Variants in PDE4DIP observed in about 807,000 individuals in gnomAD.
The protein encoded by PDE4DIP is phosphodiesterase 4D interacting protein, also known as myomegalin.
A neutral mutation model predicts 221.4 loss-of-function variants in PDE4DIP; 59 were observed. The observed-to-expected ratio is 0.27, with a 90% CI of 0.22 to 0.33. The LOEUF is 0.33. PDE4DIP is among the 10% of genes least tolerant of loss of function. The pLI is 1.00. For missense variants in PDE4DIP, 1,036 were observed against 2,154.2 expected (o/e 0.48, Z 10.28); for synonymous variants, 404 against 815.9 (o/e 0.50, Z 8.60).
intron 5 of PDE4DIP, among the ~76,000 whole-genome samples, chr1:148,946,082 A>C (rs587754780): frequency 6.6e-6 from 1 of 152,184 alleles, no homozygotes; most frequent in Non-Finnish European, 1.5e-5. Flanking sequence ...GACTTCAAAA[A>C]CTTTTCTCTC....
chr1:149,013,500 T>G (rs1553607656), intron 32 of PDE4DIP, among the ~76,000 whole-genome samples: 1 of 71,630 alleles, frequency 1.4e-5, no homozygotes, highest in African/African-American at 5.7e-5. Flanking sequence ...ATAAATTTAG[T>G]GTGCTGGTGG....
At chr1:148,956,411 CTTAT>C (rs2055351784) in intron 5 of PDE4DIP, among the ~76,000 whole-genome samples, 1 of 151,590 alleles carries the variant, frequency 6.6e-6, no homozygotes, top group African/African-American at 2.4e-5. Context: ...TTGTTCCTTT[CTTAT>C]TTATTAAAGA....
In PDE4DIP at chr1:149,003,505, TGTGGATCTGCCTTCC is replaced by T. The variant is rs2066185042; in HGVS notation, c.3767-102_3767-88del. 1.1e-5 allele frequency: 7 copies of T among 611,026 alleles called. No individual in the cohort carries two copies. In the South Asian group the frequency reaches 1.5e-4, roughly 13 times the overall value. 37.9% of individuals were successfully genotyped at this position (611,026 alleles called of 1,614,324 possible). A position where few individuals can be genotyped will look rare whatever the true frequency, so the allele number is the denominator to read the frequency against. On this transcript the variant is annotated intron_variant, in intron 25 of 43. Transcript: ENST00000369354. ...CAGTTCAGAGAAGCTTCTCTCCCACTGTGGATCTGCCTTCCGTGCCTCAAAAGGTTAGGGTATGTG... is the reference window on the plus strand; with the variant it reads ...CAGTTCAGAGAAGCTTCTCTCCCACTGTGCCTCAAAAGGTTAGGGTATGTG...
At chr1:148,919,491 A>G (rs1369638435) in intron 1 of PDE4DIP, among the ~76,000 whole-genome samples, 1 of 151,472 alleles carries the variant, frequency 6.6e-6, no homozygotes, top group Non-Finnish European at 1.5e-5. Context: ...GGATCCTGCA[A>G]TGACCAGTCC....
chr1:148,978,306 A>C, exon 19 of PDE4DIP: 1 of 1,611,732 alleles, frequency 6.2e-7, no homozygotes, highest in Non-Finnish European at 8.5e-7. Flanking sequence ...GTTGATCCTG[A>C]AGACATACCA....
chr1:148,979,589 G>T, intron 19 of PDE4DIP, 148 bp from the exon 23 acceptor site: 2 of 592,232 alleles, frequency 3.4e-6, no homozygotes, highest in Non-Finnish European at 5.8e-6. Flanking sequence ...ATATGACATT[G>T]ATTTGAAAAC....
intron 1 of PDE4DIP, among the ~76,000 whole-genome samples, chr1:148,905,178 G>GTTTTT (rs56687289): frequency 2.5e-3 from 238 of 94,418 alleles, no homozygotes; most frequent in Non-Finnish European, 3.6e-3. Flanking sequence ...TCTCTTCTAG[G>GTTTTT]TTTTTTTTTT....
intron 37 of PDE4DIP, among the ~76,000 whole-genome samples, chr1:149,023,112 G>C (rs2073640167): frequency 6.6e-6 from 1 of 152,220 alleles, no homozygotes; most frequent in Admixed American, 6.5e-5. Flanking sequence ...TTTTCTCCCT[G>C]CCTTTTAGGA....
At chr1:148,955,405 T>C (rs2055001122) in intron 5 of PDE4DIP, among the ~76,000 whole-genome samples, 1 of 152,000 alleles carries the variant, frequency 6.6e-6, no homozygotes. Context: ...CAAAACAAGA[T>C]CTTTTTTTCT....
At chr1:148,956,562 C>G (rs1228301524) in intron 5 of PDE4DIP, among the ~76,000 whole-genome samples, 3 of 152,154 alleles carry the variant, frequency 2.0e-5, no homozygotes, top group Non-Finnish European at 2.9e-5. Flanking sequence ...CTTCTTCTAG[C>G]TGGTAATTCC....
At chr1:149,010,553 A>T (rs149238614) in exon 31 of PDE4DIP, 2 of 1,613,964 alleles carry the variant, frequency 1.2e-6, no homozygotes, top group African/African-American at 1.3e-5. Flanking sequence ...CAGCTTGCCA[A>T]CTCCCCAGAA....
chr1:148,935,171 G>A (rs1370173536), intron 4 of PDE4DIP, among the ~76,000 whole-genome samples: 11 of 151,588 alleles, frequency 7.3e-5, no homozygotes, highest in African/African-American at 2.4e-4. Context: ...CCAAGATTGC[G>A]CCACTGCACT....
At chr1:148,893,107 ATTTT>A (rs11287659) in intron 1 of PDE4DIP, among the ~76,000 whole-genome samples, 2 of 58,290 alleles carry the variant, frequency 3.4e-5, no homozygotes, top group South Asian at 5.6e-4. Context: ...GTGTGTATGT[ATTTT>A]TTTTTTTTTT....
chr1:149,020,792 T>C (rs2072530659), intron 36 of PDE4DIP: 3 of 531,202 alleles, frequency 5.6e-6, no homozygotes, highest in Non-Finnish European at 1.0e-5. Context: ...TCTGAACTAA[T>C]GTAGGTAATG....
At chr1:148,922,351 C>G (rs2045598110) in intron 1 of PDE4DIP, among the ~76,000 whole-genome samples, 1 of 149,408 alleles carries the variant, frequency 6.7e-6, no homozygotes, top group Non-Finnish European at 1.5e-5. Context: ...GTCAGGAGAT[C>G]GAGACCATTC....
At chr1:148,859,590 A>G (rs1264084485) in intron 1 of PDE4DIP, among the ~76,000 whole-genome samples, 1 of 152,132 alleles carries the variant, frequency 6.6e-6, no homozygotes, top group Non-Finnish European at 1.5e-5. Context: ...AAGTGAAAGC[A>G]TCATGGGAGA....
intron 6 of PDE4DIP, among the ~76,000 whole-genome samples, chr1:148,961,321 C>T (rs1465571457): frequency 6.6e-6 from 1 of 152,178 alleles, no homozygotes; most frequent in Non-Finnish European, 1.5e-5. Context: ...AAAACACTTG[C>T]ATGCAGTCTT....
At chr1:148,968,984 T>C (rs781961808) in exon 14 of PDE4DIP, 5 of 1,610,156 alleles carry the variant, frequency 3.1e-6, no homozygotes, top group Non-Finnish European at 4.3e-6. Context: ...GAAATGGAGA[T>C]TCAAGGCCTG....
intron 5 of PDE4DIP, among the ~76,000 whole-genome samples, chr1:148,946,443 G>A (rs1289589009): frequency 6.8e-4 from 94 of 138,550 alleles, no homozygotes; most frequent in Non-Finnish European, 1.3e-3. Context: ...AGGAAGCTGA[G>A]GCAGGAGAAT....
Sources: gnomAD v4.1 joint callset for allele counts (sites outside exome capture counted in the v4.1 genomes callset) on GRCh38, gnomAD v4.1.1 for gene constraint, MANE v1.5 for transcripts, NCBI Gene and HGNC (gene_info 2026-07-23, HGNC 2026-07-21) for gene names.